DSE: variants seen among roughly 807,000 people sequenced by gnomAD.
DSE encodes dermatan-sulfate epimerase.
A neutral mutation model predicts 84.4 loss-of-function variants in DSE; 36 were observed. The observed-to-expected ratio is 0.43, with a 90% CI of 0.33 to 0.56. DSE has a LOEUF of 0.56. DSE is among the 20% of genes least tolerant of loss of function. The pLI, the probability that DSE is intolerant of heterozygous loss-of-function variation, is 0.06. For synonymous variants in DSE, 410 were observed against 430.1 expected (o/e 0.95, Z 0.58); for missense variants, 862 against 1,169.6 (o/e 0.74, Z 3.84).
chr6:116,358,009 T>C (rs1778672924), intron 2 of DSE, among the ~76,000 whole-genome samples: 1 of 152,214 alleles, frequency 6.6e-6, no homozygotes, highest in Non-Finnish European at 1.5e-5. Flanking sequence ...AGTATGTGAA[T>C]AAATCTGATT....
At chr6:116,356,128 C>T (rs894849501) in intron 2 of DSE, among the ~76,000 whole-genome samples, 3 of 152,150 alleles carry the variant, frequency 2.0e-5, no homozygotes, top group Non-Finnish European at 2.9e-5. Flanking sequence ...GGCTGCACTT[C>T]CGATTTATCT....
intron 2 of DSE, among the ~76,000 whole-genome samples, chr6:116,323,294 A>G (rs745561521): frequency 6.6e-6 from 1 of 152,248 alleles, no homozygotes; most frequent in East Asian, 1.9e-4. Flanking sequence ...GAGAAATATA[A>G]GAGCTGAACA....
chr6:116,426,682 G>T lies in DSE; in HGVS notation c.525G>T (p.Glu175Asp). Residue 175 changes from glutamate (E) to aspartate (D), a missense_variant, in exon 3 of 6, where the codon GAG (glutamate) becomes GAT (aspartate). Glu to Asp is a conservative substitution (Grantham distance 45). Transcript: ENST00000644252. ...LYNYLSKTQQ[E>D]KFLEVIANAS... ...ACTACCTGAGCAAGACACAACAGGA[G>T]AAGTTTCTTGAAGTGATTGCCAATG... 1.2e-6 allele frequency: 2 copies of T among 1,614,172 alleles called. No individual in the cohort carries two copies. The highest frequency in any genetic ancestry group is 1.7e-6 in the Non-Finnish European group (2 of 1,180,030).
intron 2 of DSE, among the ~76,000 whole-genome samples, chr6:116,415,599 C>CTTT (rs577156045): frequency 2.0e-4 from 27 of 132,466 alleles, no homozygotes; most frequent in African/African-American, 7.1e-4. Context: ...GGCCAGTCCT[C>CTTT]TTTTTTTTTT....
At chr6:116,360,786 CATTTTTAATTTTTTTTT>C (rs1284823427) in intron 2 of DSE, among the ~76,000 whole-genome samples, 1 of 152,042 alleles carries the variant, frequency 6.6e-6, no homozygotes, top group Non-Finnish European at 1.5e-5. Flanking sequence ...ATGAATTTGA[CATTTTTAATTTTTTTTT>C]AATGCCTTGC....
chr6:116,266,246 G>T (rs1562190871), intron 2 of DSE, among the ~76,000 whole-genome samples: 1 of 152,202 alleles, frequency 6.6e-6, no homozygotes, highest in African/African-American at 2.4e-5. Context: ...CAGGAGGTGT[G>T]AACTTGGCTG....
chr6:116,411,529 A>G (rs1401258587), intron 2 of DSE, among the ~76,000 whole-genome samples: 1 of 151,962 alleles, frequency 6.6e-6, no homozygotes, highest in Non-Finnish European at 1.5e-5. Flanking sequence ...GTAGATAGCT[A>G]TTAGGGCTTG....
intron 2 of DSE, among the ~76,000 whole-genome samples, chr6:116,266,906 T>G (rs9400895): frequency 0.3 from 46,130 of 152,142 alleles, 7,615 homozygotes; most frequent in East Asian, 0.65. Context: ...TGATGTTTCA[T>G]CAAATGATGG....
chr6:116,391,783 AAGG>A (rs1780926041), intron 1 of DSE, among the ~76,000 whole-genome samples: 4 of 151,422 alleles, frequency 2.6e-5, no homozygotes, highest in African/African-American at 7.3e-5. Context: ...AAAAAAAAAA[AAGG>A]AGCTCTCAGT....
chr6:116,313,580 C>A (rs191137397), intron 2 of DSE, among the ~76,000 whole-genome samples: 176 of 152,288 alleles, frequency 1.2e-3, no homozygotes, highest in African/African-American at 4.0e-3. Context: ...TAATTGCAAG[C>A]ATAGCTGGAG....
At chr6:116,400,161 C>T (rs1781504934) in intron 2 of DSE, 1 of 152,646 alleles carries the variant, frequency 6.6e-6, no homozygotes, top group African/African-American at 2.4e-5. Context: ...ATTTCTGAGA[C>T]CTGTAGGAAA....
chr6:116,430,604 C>T (rs1288057288), intron 3 of DSE, among the ~76,000 whole-genome samples: 3 of 151,886 alleles, frequency 2.0e-5, no homozygotes, highest in African/African-American at 4.8e-5. Flanking sequence ...TGCAGTGGCG[C>T]GATCTCCGCT....
intron 2 of DSE, among the ~76,000 whole-genome samples, chr6:116,320,929 C>G (rs898055200): frequency 3.9e-5 from 6 of 152,066 alleles, no homozygotes; most frequent in Non-Finnish European, 8.8e-5. Flanking sequence ...CAACTGAGCT[C>G]CTAACAGAAG....
At chr6:116,311,387 A>T (rs957967111) in intron 2 of DSE, among the ~76,000 whole-genome samples, 2 of 152,238 alleles carry the variant, frequency 1.3e-5, no homozygotes, top group African/African-American at 4.8e-5. Context: ...GAAATATAGT[A>T]GAAATAAAGA....
At position 116,259,292 on chromosome 6, in the gene DSE, A is replaced by C. The variant is rs998136506; in HGVS notation, c.-54+325A>C. On this transcript the variant is annotated intron_variant, in intron 2 of 3. Coordinates refer to the DSE transcript ENST00000430252. ...CATGCCAGCACTTTACAGCATGATA[A>C]ATTAGTTAAATGGTTATACCTGTAG... is the stretch of plus-strand genomic sequence containing the variant. 5.6e-6 allele frequency: 3 copies of C among 537,520 alleles called. No individual in the cohort carries two copies. In the East Asian group the frequency reaches 9.8e-5, roughly 18 times the overall value. The allele number at this position is 537,520 out of a possible 1,614,324, so 33.3% of individuals were successfully genotyped here.
At chr6:116,276,473 C>T (rs573034514) in intron 2 of DSE, 4 of 152,360 alleles carry the variant, frequency 2.6e-5, no homozygotes, top group Non-Finnish European at 5.9e-5. Flanking sequence ...AGGTACCAAA[C>T]ATACCGTGCC....
At chr6:116,377,638 G>A (rs2114936420) in intron 1 of DSE, among the ~76,000 whole-genome samples, 1 of 152,132 alleles carries the variant, frequency 6.6e-6, no homozygotes, top group Non-Finnish European at 1.5e-5. Flanking sequence ...AATGAGAAAT[G>A]ACAGTTTCTG....
chr6:116,354,611 GT>G (rs1368238372), intron 2 of DSE, among the ~76,000 whole-genome samples: 1 of 152,150 alleles, frequency 6.6e-6, no homozygotes, highest in Non-Finnish European at 1.5e-5. Context: ...TTTTGGTGAG[GT>G]GATTTATCTT....
intron 5 of DSE, among the ~76,000 whole-genome samples, chr6:116,433,871 T>C (rs141127195): frequency 0.027 from 4,146 of 152,318 alleles, 90 homozygotes; most frequent in Non-Finnish European, 0.042. Context: ...TTTTCAGTTT[T>C]TGGTTCTCAT....
Sources: allele counts gnomAD v4.1 joint callset (sites outside exome capture counted in the v4.1 genomes callset), GRCh38; gene constraint gnomAD v4.1.1; transcripts MANE v1.5; gene names NCBI Gene and HGNC (gene_info 2026-07-23, HGNC 2026-07-21).